The following RERE variants were observed in gnomAD, a reference collection of about 807,000 sequenced individuals.
The protein encoded by RERE is arginine-glutamic acid dipeptide repeats.
A neutral mutation model predicts 146.1 loss-of-function variants in RERE; 40 were observed. The ratio of observed to expected loss-of-function variants is 0.27; its 90% CI spans 0.21 to 0.36. The LOEUF (loss-of-function observed/expected upper bound fraction) is 0.36. Among genes scored for constraint, RERE ranks in the 10% least tolerant of loss-of-function variants. The pLI is 1.00. For missense variants in RERE, 1,933 were observed against 2,138.7 expected, an observed-to-expected ratio of 0.90 and a Z score of 1.90; for synonymous variants, 1,003 against 866.0, an observed-to-expected ratio of 1.16 and a Z score of -2.78.
In RERE at chr1:8,394,596, G is replaced by C. The variant is rs1452840111; in HGVS notation, c.1284+28131C>G. On this transcript the variant is annotated intron_variant, in intron 12 of 22. Coordinates refer to ENST00000400908, the MANE Select transcript of RERE (RefSeq NM_001042681.2). ...TTAACTTAAGAAAGGAGCTACTGCA[G>C]AGAACAAACTTATCAGTCATGGAAT... Among the ~76,000 whole-genome samples the C allele has an allele frequency of 5.3e-5, 8 of 152,278 alleles. No homozygotes were observed. In the South Asian group the frequency reaches 1.2e-3, roughly 24 times the overall value.
At chr1:8,776,740 A>G (rs1360737211) in intron 1 of RERE, among the ~76,000 whole-genome samples, 2 of 151,668 alleles carry the variant, frequency 1.3e-5, no homozygotes, top group Non-Finnish European at 2.9e-5. Context: ...CTTTTTTTTG[A>G]GGCAGGGTGT....
chr1:8,780,328 C>A (rs1360038705), intron 1 of RERE, among the ~76,000 whole-genome samples: 1 of 152,102 alleles, frequency 6.6e-6, no homozygotes, highest in Non-Finnish European at 1.5e-5. Flanking sequence ...CCTCAGAAAG[C>A]AAAGACTAAC....
intron 10 of RERE, among the ~76,000 whole-genome samples, chr1:8,479,877 T>C (rs1009891423): frequency 6.6e-6 from 1 of 152,130 alleles, no homozygotes; most frequent in Non-Finnish European, 1.5e-5. Context: ...AAGAGAGCTA[T>C]AAAAAAGCAT....
At chr1:8,606,046 G>C (rs1646704840) in intron 4 of RERE, among the ~76,000 whole-genome samples, 1 of 151,712 alleles carries the variant, frequency 6.6e-6, no homozygotes. Flanking sequence ...AAACCCCTAG[G>C]TTCAAGCAAT....
chr1:8,466,790 C>T (rs1644603821), intron 10 of RERE, among the ~76,000 whole-genome samples: 1 of 152,192 alleles, frequency 6.6e-6, no homozygotes, highest in Admixed American at 6.5e-5. Context: ...CAACTTTTCT[C>T]ACCCTGCGTC....
chr1:8,747,861 G>A (rs747624642), intron 1 of RERE, among the ~76,000 whole-genome samples: 5 of 151,974 alleles, frequency 3.3e-5, no homozygotes, highest in Admixed American at 6.6e-5. Context: ...CGAGAACTCC[G>A]CCTCCCGGGT....
intron 1 of RERE, among the ~76,000 whole-genome samples, chr1:8,757,678 C>CT (rs977429773): frequency 2.0e-5 from 3 of 152,156 alleles, no homozygotes; most frequent in African/African-American, 4.8e-5. Flanking sequence ...GAACATCAGC[C>CT]TTTTTTCATT....
chr1:8,793,209 A>G (rs1641401347), intron 1 of RERE, among the ~76,000 whole-genome samples: 1 of 148,792 alleles, frequency 6.7e-6, no homozygotes, highest in Non-Finnish European at 1.5e-5. Flanking sequence ...CTCTATTTTG[A>G]TACTGGGAGC....
rs547563849 is a variant in RERE, at chr1:8,366,419, C to A, written c.1285-445G>T. On this transcript the variant is annotated intron_variant, in intron 12 of 22. Coordinates refer to ENST00000400908, the MANE Select transcript of RERE (RefSeq NM_001042681.2). ...CTTTACAGTAATGCCAGTGAAATCA[C>A]ACAGGTGTGAGAAGGAAATGCCCGG... 3.2e-4 allele frequency among the ~76,000 whole-genome samples: 49 copies of A among 152,324 alleles called. 1 individual carries two copies. The South Asian group carries it at 6.6e-3, about 21-fold the overall frequency.
At chr1:8,595,843 A>G (rs1646549731) in intron 4 of RERE, among the ~76,000 whole-genome samples, 1 of 152,178 alleles carries the variant, frequency 6.6e-6, no homozygotes. Flanking sequence ...GGAAAGAAGA[A>G]ATGCAATTCC....
chr1:8,599,067 C>G (rs1444738205), intron 4 of RERE, among the ~76,000 whole-genome samples: 1 of 152,222 alleles, frequency 6.6e-6, no homozygotes, highest in Non-Finnish European at 1.5e-5. Context: ...CTTCTCCCAG[C>G]CTGGCGGACA....
chr1:8,469,402 AAG>A (rs1436996371), intron 10 of RERE, among the ~76,000 whole-genome samples: 1 of 152,132 alleles, frequency 6.6e-6, no homozygotes, highest in Non-Finnish European at 1.5e-5. Context: ...GTGGATCATG[AAG>A]TCAGGTGTTC....
chr1:8,644,174 G>C (rs1400386148), intron 2 of RERE, among the ~76,000 whole-genome samples: 1 of 152,202 alleles, frequency 6.6e-6, no homozygotes, highest in East Asian at 1.9e-4. Flanking sequence ...GCCCCATCAT[G>C]TGCAGGCTTG....
intron 1 of RERE, among the ~76,000 whole-genome samples, chr1:8,741,458 A>C (rs2124503013): frequency 6.6e-6 from 1 of 152,148 alleles, no homozygotes; most frequent in East Asian, 1.9e-4. Context: ...TAATCCCCAC[A>C]TGTCAAGAGA....
chr1:8,359,667 G>A (rs1432348777), intron 19 of RERE, 97 bp downstream of exon 19: 1 of 1,355,680 alleles, frequency 7.4e-7, no homozygotes, highest in Non-Finnish European at 1.0e-6. Context: ...AGGAGGCCGA[G>A]TCAGGCAGCC....
At chr1:8,633,440 C>T (rs935081909) in intron 2 of RERE, among the ~76,000 whole-genome samples, 3 of 151,520 alleles carry the variant, frequency 2.0e-5, no homozygotes, top group South Asian at 4.2e-4. Flanking sequence ...CGCACGTGCG[C>T]ACGCACACAC....
chr1:8,718,721 A>G (rs943711361), intron 1 of RERE, among the ~76,000 whole-genome samples: 4 of 152,192 alleles, frequency 2.6e-5, no homozygotes, highest in African/African-American at 9.7e-5. Flanking sequence ...CTAGCTCTGG[A>G]GTCAGATGGC....
chr1:8,525,970 T>C, intron 7 of RERE: 1 of 1,353,660 alleles, frequency 7.4e-7, no homozygotes, highest in Non-Finnish European at 9.5e-7. Context: ...TTCCCCTCAC[T>C]CTGACAGGAC....
intron 3 of RERE, among the ~76,000 whole-genome samples, chr1:8,615,805 A>G (rs1295075124): frequency 6.6e-6 from 1 of 151,858 alleles, no homozygotes; most frequent in Non-Finnish European, 1.5e-5. Context: ...CACACACACA[A>G]AACAAAACAA....
Sources: allele counts gnomAD v4.1 joint callset (sites outside exome capture counted in the v4.1 genomes callset), GRCh38; gene constraint gnomAD v4.1.1; transcripts MANE v1.5; gene names NCBI Gene and HGNC (gene_info 2026-07-23, HGNC 2026-07-21).